Variants in OC90 observed in about 807,000 individuals in gnomAD.
OC90 encodes the protein otoconin-90.
In OC90, 46 loss-of-function variants were observed where a neutral mutation model predicts 47.3. The observed-to-expected ratio is 0.97, with a 90% CI of 0.77 to 1.24. The LOEUF (loss-of-function observed/expected upper bound fraction) is 1.24. OC90 is among the 50% of genes most tolerant of loss of function. The pLI is 0.00. For missense variants in OC90, 688 were observed against 583.9 expected, an observed-to-expected ratio of 1.18 and a Z score of -1.84; for synonymous variants, 271 against 219.5, an observed-to-expected ratio of 1.23 and a Z score of -2.07.
intron 4 of OC90, among the ~76,000 whole-genome samples, chr8:132,042,816 G>A (rs1482089497): frequency 6.6e-6 from 1 of 152,172 alleles, no homozygotes; most frequent in Non-Finnish European, 1.5e-5. Flanking sequence ...ACTGGCTGGT[G>A]GGAATGCAAA....
chr8:132,051,341 C>T lies in OC90; in HGVS notation c.46+3640G>A, dbSNP rs1487747627. ...CATCCTTCACTCACCTATCTAACTC[C>T]TATCCAATTCCTGCCTTCTCTTTAG... On this transcript the variant is annotated intron_variant, in intron 2 of 13. Coordinates refer to ENST00000254627, the MANE Select transcript of OC90 (RefSeq NM_001080399.3). 3.3e-5 allele frequency among the ~76,000 whole-genome samples: 5 copies of T among 152,338 alleles called. No homozygotes were observed. The East Asian group carries it at 9.6e-4, about 29-fold the overall frequency.
At chr8:132,039,216 T>C in intron 6 of OC90, 93 bp from the exon 7 acceptor site, 3 of 1,381,500 alleles carry the variant, frequency 2.2e-6, no homozygotes, top group Non-Finnish European at 3.0e-6. Context: ...TCATCTCCCC[T>C]GCCAAAAATC....
chr8:132,024,750 A>C lies in OC90; in HGVS notation c.1165T>G (p.Leu389Val). 1 of 1,613,620 alleles carries C rather than the reference A, an allele frequency of 6.2e-7. No homozygotes were observed. Among genetic ancestry groups the C allele is most frequent in the Non-Finnish European group, 8.5e-7 (1 of 1,179,738 alleles). The change falls in exon 14 of 14, where the codon TTG becomes GTG. Residue 389 changes from leucine (L) to valine (V), a missense_variant. Coordinates refer to ENST00000254627, the MANE Select transcript of OC90 (RefSeq NM_001080399.3). ...GCCGTCTGGTCACAGGCACAGAGCA[A>C]CTTCTCACACAGGCTTTGGCCCCCA... The part of the protein sequence containing the change: ...KCGGQSLCEK[L>V]LCACDQTAAE...
At chr8:132,045,984 C>T (rs1823128014) in intron 2 of OC90, 101 bp from the exon 3 acceptor site, 1 of 699,802 alleles carries the variant, frequency 1.4e-6, no homozygotes, top group East Asian at 2.7e-5. Flanking sequence ...AATGGGAATT[C>T]ACATAAATTC....
At chr8:132,041,303 C>T in intron 5 of OC90, 147 bp from the exon 6 acceptor site, 1 of 657,518 alleles carries the variant, frequency 1.5e-6, no homozygotes, top group Non-Finnish European at 2.7e-6. Flanking sequence ...TTTTGCATAA[C>T]AGACATAACA....
intron 7 of OC90, 78 bp downstream of exon 7, chr8:132,038,917 A>C: frequency 6.2e-7 from 1 of 1,608,306 alleles, no homozygotes; most frequent in South Asian, 1.1e-5. Flanking sequence ...ATCTAGAGAC[A>C]TGAAGCAATA....
At chr8:132,051,006 A>G (rs1434770172) in intron 2 of OC90, among the ~76,000 whole-genome samples, 1 of 152,174 alleles carries the variant, frequency 6.6e-6, no homozygotes, top group African/African-American at 2.4e-5. Context: ...AATAATAATA[A>G]TAATGATAAT....
Position 132,024,423 on chromosome 8 carries a change from A to G in OC90, c.*58T>C. The G allele has an allele frequency of 7.6e-7, 1 of 1,317,480 alleles. No homozygotes were observed. The highest frequency in any genetic ancestry group is 1.0e-6 in the Non-Finnish European group (1 of 959,134). 81.6% of individuals were successfully genotyped at this position (1,317,480 alleles called of 1,614,324 possible). A position where few individuals can be genotyped will look rare whatever the true frequency, so the allele number is the denominator to read the frequency against. On this transcript the variant is annotated 3_prime_UTR_variant, in exon 14 of 14. Transcript: ENST00000254627. Reference sequence around the variant, plus strand: ...GGACAGAGGAGGCTGAGAGATAAAGAGCTGAAGGTGGAGCAGGAGCCACGC... The same window carrying G: ...GGACAGAGGAGGCTGAGAGATAAAGGGCTGAAGGTGGAGCAGGAGCCACGC...
At chr8:132,035,711 T>C (rs911638428) in intron 9 of OC90, among the ~76,000 whole-genome samples, 4 of 152,228 alleles carry the variant, frequency 2.6e-5, no homozygotes, top group African/African-American at 7.2e-5. Context: ...CTGGGGCAGA[T>C]TGTTCTATTC....
chr8:132,041,212 C>T (rs1823048547), intron 5 of OC90, 56 bp from the exon 6 acceptor site: 2 of 1,053,114 alleles, frequency 1.9e-6, no homozygotes, highest in Non-Finnish European at 3.0e-6. Flanking sequence ...TGAGGGAGGG[C>T]AGGCAGCTCA....
At chr8:132,059,022 TTCTCTCCCTTCCTCCCTCTTTCCC>T (rs1185023990) in intron 1 of OC90, among the ~76,000 whole-genome samples, 2 of 151,832 alleles carry the variant, frequency 1.3e-5, no homozygotes, top group African/African-American at 4.8e-5. Flanking sequence ...CCCTCCATTC[TTCTCTCCCTTCCTCCCTCTTTCCC>T]TCTCTCCCTC....
chr8:132,029,116 C>G lies in OC90; in HGVS notation c.1095G>C (p.Arg365Ser). 1 of 1,613,952 alleles carries G rather than the reference C, an allele frequency of 6.2e-7. No homozygotes were observed. The highest frequency in any genetic ancestry group is 8.5e-7 in the Non-Finnish European group (1 of 1,179,850). The change falls in exon 13 of 14, where the codon AGG (arginine) becomes AGC (serine). Residue 365 changes from arginine (R) to serine (S), a missense_variant. By Grantham distance (110) the Arg-to-Ser change is moderately radical (BLOSUM62 -1). Transcript: ENST00000254627. ...CACACACCACCGGTGACCAAGGAAG[C>G]CTCTCAAGCAGGCAGCCCAGCCTTC... is the stretch of plus-strand genomic sequence containing the variant. The part of the protein sequence containing the change: ...QVRRLGCLLE[R>S]LPWSPVVCVD...
In OC90 at chr8:132,024,553, G is replaced by T. The variant is rs1446583281; in HGVS notation, c.1362C>A (p.Asp454Glu). 1.9e-6 allele frequency: 3 copies of T among 1,609,972 alleles called. No homozygotes were observed. The highest frequency in any genetic ancestry group is 2.7e-5 in the African/African-American group (2 of 74,978). ...EDSEEDPPQE[D>E]LGRAKRFLRK... ...GCAGAAACCTCTTGGCTCTGCCGAGGTCCTCCTGTGGAGGGTCCTCCTCGC... is the reference window on the plus strand; with the variant it reads ...GCAGAAACCTCTTGGCTCTGCCGAGTTCCTCCTGTGGAGGGTCCTCCTCGC... Residue 454 changes from aspartate to glutamate, a missense_variant, in exon 14 of 14, where the codon GAC becomes GAA. Coordinates refer to ENST00000254627, the MANE Select transcript of OC90 (RefSeq NM_001080399.3).
At chr8:132,041,191 G>T in intron 5 of OC90, 35 bp from the exon 6 acceptor site, 2 of 1,311,296 alleles carry the variant, frequency 1.5e-6, no homozygotes, top group Non-Finnish European at 2.2e-6. Flanking sequence ...GGGTGAGAGT[G>T]TGGGTTAGAG....
chr8:132,034,720 G>T, intron 10 of OC90, 61 bp downstream of exon 10: 1 of 1,176,148 alleles, frequency 8.5e-7, no homozygotes, highest in African/African-American at 1.5e-5. Context: ...TCATAAATGT[G>T]TCAAGGACAA....
chr8:132,034,760 G>C (rs1308253471), intron 10 of OC90, 21 bp downstream of exon 10: 2 of 1,573,810 alleles, frequency 1.3e-6, no homozygotes, highest in East Asian at 2.3e-5. Flanking sequence ...AACATAGGCA[G>C]GTGGAGCCCA....
chr8:132,040,937 G>T, intron 6 of OC90, 107 bp downstream of exon 6: 7 of 728,156 alleles, frequency 9.6e-6, no homozygotes, highest in Admixed American at 4.0e-5. Flanking sequence ...GCTGCCAGTG[G>T]TGACGATGAT....
At position 132,039,050 on chromosome 8, in the gene OC90, G is replaced by C. The variant is rs1017251870; in HGVS notation, c.531C>G (p.Ser177Arg). Reference protein sequence around the residue: ...KAAIECLARSSLNSSLNLLDT... With the variant: ...KAAIECLARSRLNSSLNLLDT... ...CCAGAAGGTTCAGGGAAGAGTTGAG[G>C]CTGGATCGAGCCAAGCACTCTATGG... The change falls in exon 7 of 14, where the codon AGC becomes AGG. Residue 177 changes from serine (S) to arginine (R), a missense_variant. Coordinates refer to ENST00000254627, the MANE Select transcript of OC90 (RefSeq NM_001080399.3). The C allele has an allele frequency of 6.2e-7, 1 of 1,613,910 alleles. No homozygotes were observed.
intron 12 of OC90, among the ~76,000 whole-genome samples, 164 bp downstream of exon 12, chr8:132,031,717 G>A (rs1402936868): frequency 1.3e-5 from 2 of 152,188 alleles, no homozygotes; most frequent in Non-Finnish European, 2.9e-5. Flanking sequence ...CACCAGGAAA[G>A]TGGGCCTATG....
Sources: allele counts gnomAD v4.1 joint callset (sites outside exome capture counted in the v4.1 genomes callset), GRCh38; gene constraint gnomAD v4.1.1; transcripts MANE v1.5; gene names NCBI Gene and HGNC (gene_info 2026-07-23, HGNC 2026-07-21).